Variants in HFM1 observed in about 807,000 individuals in gnomAD.
HFM1 encodes the protein helicase for meiosis 1, also known as probable ATP-dependent DNA helicase HFM1.
HFM1 carries 169 observed loss-of-function variants against 192.1 expected under a neutral mutation model. The observed-to-expected ratio is 0.88, with a 90% CI of 0.78 to 1.00. HFM1 has a LOEUF of 1.00. Ranked by LOEUF, HFM1 falls within the 50% of genes least tolerant of loss-of-function variation. The probability of loss-of-function intolerance (pLI) is 0.00; values close to 1 mark genes in which losing one functional copy is unlikely to be tolerated. For missense variants in HFM1, 1,661 were observed against 1,668.0 expected, an observed-to-expected ratio of 1.00 and a Z score of 0.07; for synonymous variants, 525 against 537.8, an observed-to-expected ratio of 0.98 and a Z score of 0.33.
chr1:91,339,048 C>T (rs765463221), intron 20 of HFM1: 24 of 454,906 alleles, frequency 5.3e-5, no homozygotes, highest in South Asian at 1.2e-4. Flanking sequence ...CAAAGCCAGT[C>T]AACTAAACCC....
intron 4 of HFM1, among the ~76,000 whole-genome samples, chr1:91,387,230 C>T (rs1222877089): frequency 2.6e-5 from 4 of 152,180 alleles, no homozygotes; most frequent in African/African-American, 7.2e-5. Context: ...GAACCTCCAG[C>T]TCACGTTCCC....
At chr1:91,348,805 T>C (rs1459253643) in intron 18 of HFM1, among the ~76,000 whole-genome samples, 1 of 151,960 alleles carries the variant, frequency 6.6e-6, no homozygotes, top group Non-Finnish European at 1.5e-5. Flanking sequence ...GTGCCTGTAG[T>C]ACCAGCTACT....
chr1:91,340,388 C>T (rs542194275), intron 20 of HFM1, among the ~76,000 whole-genome samples: 2 of 152,276 alleles, frequency 1.3e-5, no homozygotes, highest in East Asian at 3.9e-4. Context: ...GAAGGAGAAA[C>T]AAAATCCTTT....
At chr1:91,396,571 C>T (rs1663688961) in intron 2 of HFM1, among the ~76,000 whole-genome samples, 166 bp from the exon 3 acceptor site, 1 of 152,158 alleles carries the variant, frequency 6.6e-6, no homozygotes, top group Admixed American at 6.5e-5. Flanking sequence ...ACCTTTTACC[C>T]TTATATATCA....
intron 4 of HFM1, among the ~76,000 whole-genome samples, chr1:91,391,175 C>T (rs1662938357): frequency 6.6e-6 from 1 of 152,156 alleles, no homozygotes; most frequent in Admixed American, 6.5e-5. Flanking sequence ...GGCCATACTG[C>T]CCAAGGTAAT....
At position 91,394,387 on chromosome 1, in the gene HFM1, G is replaced by A; in HGVS notation, c.200C>T (p.Pro67Leu). 3.3e-6 allele frequency: 5 copies of A among 1,525,182 alleles called. No homozygotes were observed. Among genetic ancestry groups the A allele is most frequent in the Non-Finnish European group, 2.7e-6 (3 of 1,111,356 alleles). The allele number at this position is 1,525,182 out of a possible 1,614,324, so 94.5% of individuals were successfully genotyped here. ...CTTTAAATTTGATGTTAACATTTTTGGCCTCTTTTCCTGACCTACAAAAAA... is the reference window on the plus strand; with the variant it reads ...CTTTAAATTTGATGTTAACATTTTTAGCCTCTTTTCCTGACCTACAAAAAA... ...SHKLLGQEKR[P>L]KMLTSNLKIT... Residue 67 changes from proline to leucine, a missense_variant, in exon 4 of 39, where the codon CCA becomes CTA. Pro to Leu is a moderately conservative substitution (Grantham distance 98). Coordinates refer to ENST00000370425, the MANE Select transcript of HFM1 (RefSeq NM_001017975.6).
intron 30 of HFM1, among the ~76,000 whole-genome samples, chr1:91,296,099 T>A (rs1321082242): frequency 6.6e-6 from 1 of 152,136 alleles, no homozygotes; most frequent in African/African-American, 2.4e-5. Context: ...TTTGTATTTT[T>A]TAGTAGAGAT....
At chr1:91,364,769 G>A (rs1659054192) in intron 13 of HFM1, among the ~76,000 whole-genome samples, 1 of 150,870 alleles carries the variant, frequency 6.6e-6, no homozygotes, top group Non-Finnish European at 1.5e-5. Flanking sequence ...GGGTAGCTGG[G>A]ACTACAGGCA....
chr1:91,326,016 A>T (rs1652843357), intron 20 of HFM1, among the ~76,000 whole-genome samples: 1 of 152,084 alleles, frequency 6.6e-6, no homozygotes, highest in Non-Finnish European at 1.5e-5. Flanking sequence ...CAAGCAGAAG[A>T]AACAGTAAGT....
chr1:91,363,489 T>C (rs541470113), intron 13 of HFM1, among the ~76,000 whole-genome samples: 4 of 149,714 alleles, frequency 2.7e-5, no homozygotes, highest in Non-Finnish European at 5.9e-5. Context: ...TGAGATACCA[T>C]CTCATGTCAG....
intron 15 of HFM1, among the ~76,000 whole-genome samples, 175 bp from the exon 16 acceptor site, chr1:91,352,826 T>C (rs1489942454): frequency 1.3e-5 from 2 of 151,876 alleles, no homozygotes; most frequent in African/African-American, 4.8e-5. Flanking sequence ...CAAAAACCTA[T>C]TAAATTCTTG....
At chr1:91,336,324 C>G (rs993664363) in intron 20 of HFM1, among the ~76,000 whole-genome samples, 6 of 150,088 alleles carry the variant, frequency 4.0e-5, no homozygotes, top group African/African-American at 1.2e-4. Context: ...ATCCTTCCTT[C>G]CTCTCATACT....
chr1:91,291,872 T>C (rs1169734777), intron 30 of HFM1, among the ~76,000 whole-genome samples: 2 of 152,140 alleles, frequency 1.3e-5, no homozygotes, highest in African/African-American at 4.8e-5. Flanking sequence ...GTGGGCTTCA[T>C]CCCTGGGATG....
At chr1:91,291,194 C>G (rs1252286565) in intron 30 of HFM1, among the ~76,000 whole-genome samples, 1 of 152,100 alleles carries the variant, frequency 6.6e-6, no homozygotes, top group Non-Finnish European at 1.5e-5. Flanking sequence ...CAAGAAATAA[C>G]TAAAATCAGA....
At chr1:91,398,775 C>T (rs1034375823) in intron 2 of HFM1, among the ~76,000 whole-genome samples, 19 of 152,112 alleles carry the variant, frequency 1.2e-4, no homozygotes, top group African/African-American at 4.6e-4. Flanking sequence ...TCACCACAAC[C>T]TCCACCTCCT....
chr1:91,389,292 G>A (rs1328617648), intron 4 of HFM1, among the ~76,000 whole-genome samples: 1 of 150,744 alleles, frequency 6.6e-6, no homozygotes, highest in Non-Finnish European at 1.5e-5. Flanking sequence ...CTCCTGAGTA[G>A]CTAGGATTAC....
At chr1:91,320,853 G>C (rs2101283441) in intron 23 of HFM1, among the ~76,000 whole-genome samples, 1 of 152,282 alleles carries the variant, frequency 6.6e-6, no homozygotes, top group East Asian at 1.9e-4. Flanking sequence ...ACTAACAGGG[G>C]CAGAGTTACA....
rs1289784845 is a variant in HFM1, at chr1:91,379,211, G to A, written c.1010C>T (p.Ala337Val). The change falls in exon 9 of 39, where the codon GCA becomes GTA. Residue 337 changes from alanine to valine, a missense_variant. Ala to Val is a moderately conservative substitution (Grantham distance 64, BLOSUM62 0). Transcript: ENST00000370425. ...CTGACTGCACAAGGCTTTTATTGGT[G>A]CCACTGTAACAATATAAAATATTTA... Reference protein sequence around the residue: ...PWLNIKIVYMAPIKALCSQRF... With the variant: ...PWLNIKIVYMVPIKALCSQRF... The A allele has an allele frequency of 6.3e-7, 1 of 1,596,638 alleles. No homozygotes were observed. The highest frequency in any genetic ancestry group is 1.4e-5 in the African/African-American group (1 of 73,766).
chr1:91,405,005 T>C (rs1194552832), upstream of HFM1: 2 of 352,626 alleles, frequency 5.7e-6, no homozygotes, highest in African/African-American at 2.2e-5. Flanking sequence ...ATACAGCTCC[T>C]AATCCTGGGT....
Sources: gnomAD v4.1 joint callset for allele counts (sites outside exome capture counted in the v4.1 genomes callset) on GRCh38, gnomAD v4.1.1 for gene constraint, MANE v1.5 for transcripts, NCBI Gene and HGNC (gene_info 2026-07-23, HGNC 2026-07-21) for gene names.